ZNF613: variants seen among roughly 807,000 people sequenced by gnomAD.
The protein encoded by ZNF613 is zinc finger protein 613.
A neutral mutation model predicts 14.3 loss-of-function variants in ZNF613; 8 were observed. The observed-to-expected ratio is 0.56, with a 90% CI of 0.33 to 1.01. The LOEUF is 1.01. Ranked by LOEUF, ZNF613 falls within the 50% of genes least tolerant of loss-of-function variation. The pLI, the probability that ZNF613 is intolerant of heterozygous loss-of-function variation, is 0.03. For synonymous variants in ZNF613, 228 were observed against 254.5 expected (o/e 0.90, Z 0.99); for missense variants, 656 against 741.9 (o/e 0.88, Z 1.35).
chr19:51,943,639 CTT>C (rs1019757606), intron 5 of ZNF613, among the ~76,000 whole-genome samples: 18 of 152,166 alleles, frequency 1.2e-4, no homozygotes, highest in African/African-American at 4.3e-4. Context: ...AGTTTGTAAA[CTT>C]TATTATAGGT....
Position 51,945,862 on chromosome 19 carries a change from C to A in ZNF613, c.*125C>A. ...AAAGCCCTTGAATAAAACCTTATGG[C>A]TAATAAGCATATACTCAGAGAAAAA... is the stretch of plus-strand genomic sequence containing the variant. On this transcript the variant is annotated 3_prime_UTR_variant, in exon 6 of 6. Coordinates refer to ENST00000293471, the MANE Select transcript of ZNF613 (RefSeq NM_001031721.4). The A allele has an allele frequency of 9.7e-7, 1 of 1,028,766 alleles. No homozygotes were observed. The highest frequency in any genetic ancestry group is 1.4e-6 in the Non-Finnish European group (1 of 706,816). 63.7% of individuals were successfully genotyped at this position (1,028,766 alleles called of 1,614,324 possible).
At chr19:51,930,621 T>G (rs1159002026) in intron 2 of ZNF613, among the ~76,000 whole-genome samples, 1 of 152,246 alleles carries the variant, frequency 6.6e-6, no homozygotes, top group African/African-American at 2.4e-5. Flanking sequence ...TACTTCATTC[T>G]TTTTTATGCC....
At chr19:51,940,119 T>C in intron 3 of ZNF613, 90 bp from the exon 4 acceptor site, 1 of 1,525,106 alleles carries the variant, frequency 6.6e-7, no homozygotes, top group African/African-American at 1.4e-5. Flanking sequence ...TGCAGACTAT[T>C]TGGTAAAAAT....
chr19:51,945,852 A>T lies in ZNF613; in HGVS notation c.*115A>T. The T allele has an allele frequency of 8.6e-7, 1 of 1,168,924 alleles. No individual in the cohort carries two copies. The highest frequency in any genetic ancestry group is 1.2e-6 in the Non-Finnish European group (1 of 824,084). 72.4% of individuals were successfully genotyped at this position (1,168,924 alleles called of 1,614,324 possible). On this transcript the variant is annotated 3_prime_UTR_variant, in exon 6 of 6. Transcript: ENST00000293471. ...TTCAAGGTGGAAAGCCCTTGAATAA[A>T]ACCTTATGGCTAATAAGCATATACT...
rs146940074 is a variant in ZNF613, at chr19:51,936,304, T to A, written c.15+69T>A. On this transcript the variant is annotated intron_variant, in intron 3 of 5. Transcript: ENST00000293471. ...ATTTCTGGAAGACTTTAAAAGTCAG[T>A]TGAATTAAGTCAAAAAGTATAATTT... 1.8e-3 allele frequency: 2,709 copies of A among 1,496,260 alleles called. 22 individuals are homozygous for A. In the East Asian group the frequency reaches 0.033, roughly 18 times the overall value. The allele number at this position is 1,496,260 out of a possible 1,614,324, so 92.7% of individuals were successfully genotyped here.
rs1402827900 is a variant in ZNF613, at chr19:51,936,180, C to T, written c.-41C>T. On this transcript the variant is annotated 5_prime_UTR_variant, in exon 3 of 6. Coordinates refer to ENST00000293471, the MANE Select transcript of ZNF613 (RefSeq NM_001031721.4). ...GCAGCTCAAGGAGAGACTACAGACACAGCATCCTACTTACTGGCTATTTCC... is the reference window on the plus strand; with the variant it reads ...GCAGCTCAAGGAGAGACTACAGACATAGCATCCTACTTACTGGCTATTTCC... 2.6e-5 allele frequency: 41 copies of T among 1,589,558 alleles called. No homozygotes were observed. The highest frequency in any genetic ancestry group is 3.2e-5 in the Non-Finnish European group (37 of 1,170,756).
rs143167767 is a variant in ZNF613, at chr19:51,944,606, C to T, written c.723C>T (p.Phe241=). The stretch of plus-strand genomic sequence containing the variant: ...GATGCAGTATATGTGGGAAAGCCTT[C>T]TCCAGAAAGTCCGGGCTCACTGAAC... ...PHGCSICGKA[F]SRKSGLTEHQ... The change falls in exon 6 of 6, where the codon TTC becomes TTT. Residue 241 remains phenylalanine, a synonymous_variant. Coordinates refer to ENST00000293471, the MANE Select transcript of ZNF613 (RefSeq NM_001031721.4). 6.2e-6 allele frequency: 10 copies of T among 1,614,160 alleles called. No homozygotes were observed. Among genetic ancestry groups the T allele is most frequent in the Non-Finnish European group, 8.5e-6 (10 of 1,180,038 alleles).
At position 51,941,459 on chromosome 19, in the gene ZNF613, T is replaced by C. The variant is rs1286218744; in HGVS notation, c.235+750T>C. Among the ~76,000 whole-genome samples the C allele has an allele frequency of 2.8e-5, 4 of 145,046 alleles. 1 individual carries two copies. The highest frequency in any genetic ancestry group is 2.7e-4 in the Admixed American group (4 of 14,988). ...ACCTTTCTGCCCCTTTAGATAATGT[T>C]GATTTTTTTTTTCCAAAGGTCTTCC... On this transcript the variant is annotated intron_variant, in intron 5 of 5. Coordinates refer to ENST00000293471, the MANE Select transcript of ZNF613 (RefSeq NM_001031721.4).
At position 51,935,425 on chromosome 19, in the gene ZNF613, G is replaced by C. The variant is rs2085298566; in HGVS notation, c.-193-603G>C. 1.3e-5 allele frequency among the ~76,000 whole-genome samples: 2 copies of C among 152,352 alleles called. 1 individual carries two copies. Among genetic ancestry groups the C allele is most frequent in the Non-Finnish European group, 2.9e-5 (2 of 68,038 alleles). ...GGCTAAGGTCATGTTCTTGGAGACA[G>C]GCTGTGTGGGTTCAGATTCTACTTC... On this transcript the variant is annotated intron_variant, in intron 2 of 5. Coordinates refer to ENST00000293471, the MANE Select transcript of ZNF613 (RefSeq NM_001031721.4).
intron 2 of ZNF613, among the ~76,000 whole-genome samples, chr19:51,932,682 CT>C (rs57077119): frequency 0.066 from 9,586 of 145,844 alleles, 883 homozygotes; most frequent in African/African-American, 0.21. Flanking sequence ...CTGACATTTT[CT>C]TTTTTTTTTT....
chr19:51,938,201 C>A (rs1204389697), intron 3 of ZNF613, among the ~76,000 whole-genome samples: 1 of 152,128 alleles, frequency 6.6e-6, no homozygotes, highest in Non-Finnish European at 1.5e-5. Flanking sequence ...GGAATAAAAC[C>A]TGAAAGGCTG....
At chr19:51,929,701 A>G (rs1377487996) in intron 1 of ZNF613, 31 bp from the exon 2 acceptor site, 1 of 152,042 alleles carries the variant, frequency 6.6e-6, no homozygotes, top group Admixed American at 6.6e-5. Context: ...CCTTCTACTC[A>G]TCATTAATCC....
chr19:51,945,317 C>T lies in ZNF613; in HGVS notation c.1434C>T (p.His478=). The change falls in exon 6 of 6, where the codon CAC becomes CAT. Residue 478 remains histidine, a synonymous_variant. Coordinates refer to ENST00000293471, the MANE Select transcript of ZNF613 (RefSeq NM_001031721.4). ...KSGLINHQRI[H]TGEKPYTCSD... The stretch of plus-strand genomic sequence containing the variant: ...GTCTCATTAACCACCAGAGAATTCA[C>T]ACAGGAGAGAAACCCTATACATGCA... 1 of 1,613,942 alleles carries T rather than the reference C, an allele frequency of 6.2e-7. No homozygotes were observed. Among genetic ancestry groups the T allele is most frequent in the African/African-American group, 1.3e-5 (1 of 74,962 alleles).
At chr19:51,940,486 C>G in intron 4 of ZNF613, 131 bp from the exon 5 acceptor site, 2 of 1,498,070 alleles carry the variant, frequency 1.3e-6, no homozygotes, top group Non-Finnish European at 1.8e-6. Flanking sequence ...AATGTGCCCC[C>G]TTTAGAGGGA....
rs2085303730 is a variant in ZNF613 at position 51,936,182 on chromosome 19, G to C, written c.-39G>C. The C allele has an allele frequency of 6.3e-7, 1 of 1,596,692 alleles. No homozygotes were observed. The highest frequency in any genetic ancestry group is 8.5e-7 in the Non-Finnish European group (1 of 1,172,640). ...AGCTCAAGGAGAGACTACAGACACA[G>C]CATCCTACTTACTGGCTATTTCCCA... On this transcript the variant is annotated 5_prime_UTR_variant, in exon 3 of 6. Transcript: ENST00000293471.
chr19:51,943,423 G>A (rs971863247), intron 5 of ZNF613, among the ~76,000 whole-genome samples: 2 of 152,168 alleles, frequency 1.3e-5, no homozygotes, highest in African/African-American at 4.8e-5. Context: ...TTTTTGTCCA[G>A]CATATGCATG....
At chr19:51,927,997 G>A (rs1225421710) in intron 1 of ZNF613, 1 of 134,018 alleles carries the variant, frequency 7.5e-6, no homozygotes, top group Non-Finnish European at 1.6e-5. Flanking sequence ...GACTACAGGT[G>A]AGCGCCACCA....
chr19:51,932,302 C>CTTTTT (rs34474633), intron 2 of ZNF613, among the ~76,000 whole-genome samples: 20 of 90,952 alleles, frequency 2.2e-4, no homozygotes, highest in Non-Finnish European at 2.5e-4. Flanking sequence ...CTCCCAACAT[C>CTTTTT]TTTTTTTTTT....
chr19:51,941,689 G>A (rs1298876901), intron 5 of ZNF613, among the ~76,000 whole-genome samples: 8 of 151,990 alleles, frequency 5.3e-5, no homozygotes, highest in Non-Finnish European at 1.2e-4. Context: ...TTCTCAGATT[G>A]ACATCTCCCT....
Sources: allele counts gnomAD v4.1 joint callset (sites outside exome capture counted in the v4.1 genomes callset), GRCh38; gene constraint gnomAD v4.1.1; transcripts MANE v1.5; gene names NCBI Gene and HGNC (gene_info 2026-07-23, HGNC 2026-07-21).